The following WNK2 variants were observed in gnomAD, a reference collection of about 807,000 sequenced individuals.
WNK2 encodes the protein WNK lysine deficient protein kinase 2, also known as serine/threonine-protein kinase WNK2.
A neutral mutation model predicts 192.1 loss-of-function variants in WNK2; 67 were observed. The observed-to-expected ratio is 0.35, with a 90% confidence interval of 0.29 to 0.43. The LOEUF (loss-of-function observed/expected upper bound fraction) is 0.43, where lower values mean the gene tolerates loss of function less well. Among genes scored for constraint, WNK2 ranks in the 20% least tolerant of loss-of-function variants. WNK2 has a pLI of 1.00. For synonymous variants in WNK2, 1,439 were observed against 1,393.9 expected, an observed-to-expected ratio of 1.03 and a Z score of -0.72; for missense variants, 2,698 against 3,089.7, an observed-to-expected ratio of 0.87 and a Z score of 3.01.
At chr9:93,197,514 A>G (rs1443235388) in intron 2 of WNK2, among the ~76,000 whole-genome samples, 1 of 152,116 alleles carries the variant, frequency 6.6e-6, no homozygotes, top group Non-Finnish European at 1.5e-5. Flanking sequence ...TGGAGACTCC[A>G]TCTGGATCTG....
chr9:93,268,309 C>T (rs1228874708), intron 18 of WNK2, among the ~76,000 whole-genome samples: 1 of 152,204 alleles, frequency 6.6e-6, no homozygotes, highest in East Asian at 1.9e-4. Context: ...CTCTCGGGAG[C>T]TTCGGGGGCT....
At position 93,318,757 on chromosome 9, in the gene WNK2, G is replaced by A. The variant is rs966175987; in HGVS notation, c.6628+1126G>A. ...CCGTCCAGCCCTAAGCCTGCTCTGC[G>A]GAGGGCGGGGTCATTCTTCTCCTGG... On this transcript the variant is annotated intron_variant, in intron 29 of 29. Coordinates refer to ENST00000427277, the MANE Select transcript of WNK2 (RefSeq NM_006648.4). The A allele has an allele frequency of 2.0e-5, 29 of 1,419,890 alleles. No individual in the cohort carries two copies. The East Asian group carries it at 2.8e-4, about 14-fold the overall frequency. The allele number at this position is 1,419,890 out of a possible 1,614,324, so 88.0% of individuals were successfully genotyped here.
chr9:93,285,439 C>G (rs559822645), intron 19 of WNK2, among the ~76,000 whole-genome samples: 9 of 152,172 alleles, frequency 5.9e-5, no homozygotes, highest in East Asian at 1.9e-4. Flanking sequence ...ATACCAACAA[C>G]AATCAGAAAA....
chr9:93,308,281 G>A (rs1852976984), intron 27 of WNK2, 47 bp from the exon 28 acceptor site: 3 of 1,527,026 alleles, frequency 2.0e-6, no homozygotes, highest in South Asian at 1.2e-5. Context: ...TGGGGGCCTG[G>A]GTGCGTGTGT....
At chr9:93,294,908 G>A (rs937997744) in intron 23 of WNK2, among the ~76,000 whole-genome samples, 1 of 152,164 alleles carries the variant, frequency 6.6e-6, no homozygotes, top group South Asian at 2.1e-4. Context: ...AAAGGGTGGG[G>A]AAGATTTTCA....
At chr9:93,235,218 C>G (rs901979142) in intron 5 of WNK2, among the ~76,000 whole-genome samples, 5 of 152,164 alleles carry the variant, frequency 3.3e-5, no homozygotes, top group African/African-American at 9.7e-5. Context: ...GCAGTGCTTA[C>G]CCATGGAGGC....
At chr9:93,235,124 C>T (rs1373233456) in intron 5 of WNK2, among the ~76,000 whole-genome samples, 159 bp downstream of exon 5, 1 of 152,210 alleles carries the variant, frequency 6.6e-6, no homozygotes, top group Non-Finnish European at 1.5e-5. Context: ...GGCCATTTTA[C>T]AGAGGGGGAA....
chr9:93,233,087 A>G (rs1839143538), intron 4 of WNK2, among the ~76,000 whole-genome samples: 1 of 151,680 alleles, frequency 6.6e-6, no homozygotes, highest in South Asian at 2.1e-4. Context: ...AGTCCCAGCT[A>G]CTTGGGAGGC....
chr9:93,261,916 G>A lies in WNK2; in HGVS notation c.3169G>A (p.Val1057Met), dbSNP rs765572040. 3 of 1,608,078 alleles carry A rather than the reference G, an allele frequency of 1.9e-6. No individual in the cohort carries two copies. Among genetic ancestry groups the A allele is most frequent in the Non-Finnish European group, 2.5e-6 (3 of 1,179,758 alleles). ...GGTCCTCTCGCCGCCTCTGCCGGAA[G>A]TGCTGCTGCCTGCCGCCCCTGAGCT... ...AAVLSPPLPE[V>M]LLPAAPELLP... The change falls in exon 13 of 30, where the codon GTG becomes ATG. Residue 1057 changes from valine to methionine, a missense_variant. Physicochemically the swap from Val to Met is conservative, Grantham distance 21. This residue lies in a region of WNK2 where 893 missense variants were observed against 909.0 expected (regional missense o/e 0.98). Coordinates refer to ENST00000427277, the MANE Select transcript of WNK2 (RefSeq NM_006648.4).
intron 2 of WNK2, among the ~76,000 whole-genome samples, chr9:93,224,728 G>A (rs1837514124): frequency 1.3e-5 from 2 of 152,156 alleles, no homozygotes; most frequent in African/African-American, 4.8e-5. Flanking sequence ...TGGGGACTTG[G>A]TAGGAGGAAG....
intron 29 of WNK2, chr9:93,318,078 G>A (rs1855066367): frequency 6.2e-7 from 1 of 1,607,392 alleles, no homozygotes; most frequent in Non-Finnish European, 8.5e-7. Context: ...TACTTGAGTT[G>A]ATGGTTAGAA....
intron 7 of WNK2, among the ~76,000 whole-genome samples, chr9:93,240,635 A>G (rs1173628058): frequency 2.6e-5 from 4 of 152,092 alleles, no homozygotes; most frequent in Non-Finnish European, 5.9e-5. Flanking sequence ...ACAGGCAGAA[A>G]GGAGTGGGAG....
At chr9:93,225,699 C>T (rs1837695919) in intron 2 of WNK2, among the ~76,000 whole-genome samples, 1 of 152,190 alleles carries the variant, frequency 6.6e-6, no homozygotes, top group Non-Finnish European at 1.5e-5. Context: ...TGCTAAAATA[C>T]TGGCAAAAAT....
Position 93,247,430 on chromosome 9 carries a change from T to C in WNK2, c.1543-113T>C. 2 of 1,235,050 alleles carry C rather than the reference T, an allele frequency of 1.6e-6. No individual in the cohort carries two copies. Among genetic ancestry groups the C allele is most frequent in the South Asian group, 2.9e-5 (2 of 69,620 alleles). 76.5% of individuals were successfully genotyped at this position (1,235,050 alleles called of 1,614,324 possible). On this transcript the variant is annotated intron_variant, in intron 7 of 29. Transcript: ENST00000427277. The surrounding 1 kb of genome is among the most constrained non-coding windows in gnomAD (Gnocchi z 5.2). The stretch of plus-strand genomic sequence containing the variant: ...GATTTTACATTCAGTGGCAGTGGGA[T>C]GGCGAGCGTGTCCTGCGTGGATGAG...
chr9:93,201,426 T>C (rs10821089), intron 2 of WNK2, among the ~76,000 whole-genome samples: 83,832 of 152,200 alleles, frequency 0.55, 25,097 homozygotes, highest in South Asian at 0.69. Context: ...TGCATGCTCT[T>C]GGCAGCCCGG....
chr9:93,300,184 T>A, intron 26 of WNK2, 35 bp downstream of exon 26: 1 of 1,574,334 alleles, frequency 6.4e-7, no homozygotes, highest in South Asian at 1.1e-5. Flanking sequence ...TATCACCTCC[T>A]GGCCCTTGGT....
chr9:93,229,644 T>G lies in WNK2; in HGVS notation c.682-52T>G. The G allele has an allele frequency of 6.3e-7, 1 of 1,577,568 alleles. No individual in the cohort carries two copies. Among genetic ancestry groups the G allele is most frequent in the Non-Finnish European group, 8.6e-7 (1 of 1,158,532 alleles). Reference sequence around the variant, plus strand: ...GCTGCTGGGATGTGACGCCACCGTGTCCCCTTCTGTGTCCCATCTCTTGCC... The same window carrying G: ...GCTGCTGGGATGTGACGCCACCGTGGCCCCTTCTGTGTCCCATCTCTTGCC... On this transcript the variant is annotated intron_variant, in intron 2 of 29. Transcript: ENST00000427277. This position sits in a 1 kb window ranked among gnomAD's most constrained non-coding sequence, Gnocchi z 4.9.
At chr9:93,317,964 A>G (rs766913565) in intron 29 of WNK2, 4 of 1,612,356 alleles carry the variant, frequency 2.5e-6, no homozygotes, top group Non-Finnish European at 3.4e-6. Context: ...CTCAGCCGCG[A>G]GGGGGACAGC....
rs980191245 is a variant in WNK2 at position 93,259,885 on chromosome 9, C to G, written c.3066+271C>G. Among the ~76,000 whole-genome samples the G allele has an allele frequency of 2.6e-5, 4 of 152,246 alleles. No homozygotes were observed. Among genetic ancestry groups the G allele is most frequent in the Non-Finnish European group, 5.9e-5 (4 of 68,042 alleles). ...CCTTCCCATGGCTCTGTGGCCCCTG[C>G]TCTTGTGGTATCTTTGTACCTGCCC... is the stretch of plus-strand genomic sequence containing the variant. On this transcript the variant is annotated intron_variant, in intron 12 of 29. Transcript: ENST00000427277. The surrounding 1 kb of genome is among the most constrained non-coding windows in gnomAD (Gnocchi z 4.8).
Sources: gnomAD v4.1 joint callset for allele counts (sites outside exome capture counted in the v4.1 genomes callset) on GRCh38, gnomAD v4.1.1 for gene constraint, gnomAD v4.1.1 regional missense constraint, Gnocchi (gnomAD v3.1) non-coding constraint, MANE v1.5 for transcripts, NCBI Gene and HGNC (gene_info 2026-07-23, HGNC 2026-07-21) for gene names.